The following FAM124A variants were observed in gnomAD, a reference collection of about 807,000 sequenced individuals.
FAM124A encodes the protein family with sequence similarity 124 member A, also known as protein FAM124A.
FAM124A carries 23 observed loss-of-function variants against 24.5 expected under a neutral mutation model. The ratio of observed to expected loss-of-function variants is 0.94; its 90% CI spans 0.68 to 1.33. The LOEUF is 1.33. FAM124A is among the 40% of genes most tolerant of loss of function. FAM124A has a pLI of 0.00. For missense variants in FAM124A, 623 were observed against 722.8 expected (o/e 0.86, Z 1.58); for synonymous variants, 287 against 314.7 (o/e 0.91, Z 0.93).
intron 3 of FAM124A, among the ~76,000 whole-genome samples, chr13:51,268,646 C>T (rs1219690389): frequency 1.3e-5 from 2 of 152,210 alleles, no homozygotes; most frequent in African/African-American, 2.4e-5. Flanking sequence ...CACAAGAGGA[C>T]ACCACGTTGT....
chr13:51,261,268 G>A (rs540459815), intron 3 of FAM124A, among the ~76,000 whole-genome samples: 4 of 152,300 alleles, frequency 2.6e-5, no homozygotes, highest in South Asian at 2.1e-4. Flanking sequence ...TATGGGGCAC[G>A]GGGCTAGTGC....
intron 3 of FAM124A, among the ~76,000 whole-genome samples, chr13:51,257,988 A>C (rs1954692634): frequency 6.6e-6 from 1 of 152,222 alleles, no homozygotes; most frequent in East Asian, 1.9e-4. Flanking sequence ...TCCAAAATCA[A>C]GGCATCAGCA....
Position 51,280,520 on chromosome 13 carries a change from C to T in FAM124A, c.905C>T (p.Ser302Phe). 6.2e-7 allele frequency: 1 copy of T among 1,614,044 alleles called. No individual in the cohort carries two copies. ...VHHASEKKRH[S>F]TPLPSTAVPS... ...CATGCCTCCGAGAAGAAACGTCATT[C>T]CACTCCTTTGCCGAGCACTGCTGTA... The change falls in exon 4 of 4, where the codon TCC (serine) becomes TTC (phenylalanine). Residue 302 changes from serine to phenylalanine, a missense_variant. Physicochemically the swap from Ser to Phe is radical, Grantham distance 155. Coordinates refer to ENST00000322475, the MANE Select transcript of FAM124A (RefSeq NM_001242312.2).
At position 51,251,744 on chromosome 13, in the gene FAM124A, C is replaced by T. The variant is rs1954625078; in HGVS notation, c.377C>T (p.Pro126Leu). The change falls in exon 3 of 4, where the codon CCG (proline) becomes CTG (leucine). Residue 126 changes from proline (P) to leucine (L), a missense_variant. Coordinates refer to ENST00000322475, the MANE Select transcript of FAM124A (RefSeq NM_001242312.2). This position sits in a 1 kb window ranked among gnomAD's most constrained non-coding sequence, Gnocchi z 5.3. ...CAGCTGCACCGCACACTGCAGCAGC[C>T]GCCCTGGCGCCACCACCACACCGAG... ...ILQLHRTLQQ[P>L]PWRHHHTEQV... The T allele has an allele frequency of 2.5e-6, 4 of 1,584,048 alleles. No individual in the cohort carries two copies. Among genetic ancestry groups the T allele is most frequent in the South Asian group, 2.3e-5 (2 of 87,732 alleles).
chr13:51,227,109 G>A (rs773708415), intron 1 of FAM124A: 2 of 152,156 alleles, frequency 1.3e-5, no homozygotes, highest in Non-Finnish European at 2.9e-5. Flanking sequence ...TAAAAATGGT[G>A]AACTCAAGAC....
intron 2 of FAM124A, among the ~76,000 whole-genome samples, chr13:51,238,117 C>T (rs1027830163): frequency 6.6e-6 from 1 of 152,232 alleles, no homozygotes; most frequent in African/African-American, 2.4e-5. Flanking sequence ...GGCTCAGCCA[C>T]AGCCTCAGAG....
chr13:51,246,153 G>A (rs1241140396), intron 2 of FAM124A, among the ~76,000 whole-genome samples: 1 of 152,124 alleles, frequency 6.6e-6, no homozygotes, highest in African/African-American at 2.4e-5. Context: ...CCAGCCTTGG[G>A]GCAGTCTGTG....
Position 51,246,623 on chromosome 13 carries a change from G to A in FAM124A, c.101-4845G>A, listed in dbSNP as rs140876618. Among the ~76,000 whole-genome samples the A allele has an allele frequency of 1.4e-3, 208 of 152,166 alleles. 1 individual carries two copies. Among genetic ancestry groups the A allele is most frequent in the African/African-American group, 4.7e-3 (194 of 41,530 alleles). ...AGGGGGCTCTGGGGGTCGGGTCTTC[G>A]TCATCCTGGCTCGCCTGCTCTTGGC... is the stretch of plus-strand genomic sequence containing the variant. On this transcript the variant is annotated intron_variant, in intron 2 of 3. Coordinates refer to ENST00000322475, the MANE Select transcript of FAM124A (RefSeq NM_001242312.2).
chr13:51,242,382 A>G (rs1954506760), intron 2 of FAM124A, among the ~76,000 whole-genome samples: 1 of 152,210 alleles, frequency 6.6e-6, no homozygotes, highest in African/African-American at 2.4e-5. Context: ...ATCATTAAGC[A>G]TGGTACATTG....
intron 2 of FAM124A, among the ~76,000 whole-genome samples, chr13:51,234,247 T>C (rs571302919): frequency 6.6e-6 from 1 of 152,316 alleles, no homozygotes; most frequent in Non-Finnish European, 1.5e-5. Context: ...GCAGAAATGC[T>C]TCCTTGGGGT....
intron 2 of FAM124A, among the ~76,000 whole-genome samples, chr13:51,250,775 C>T (rs976788567): frequency 2.6e-5 from 4 of 152,224 alleles, no homozygotes; most frequent in African/African-American, 9.6e-5. Flanking sequence ...GGTCATCCTT[C>T]CCTGTGTCTC....
chr13:51,222,453 C>A lies in FAM124A; in HGVS notation c.-49C>A, dbSNP rs1380172346. 1 of 1,192,282 alleles carries A rather than the reference C, an allele frequency of 8.4e-7. No individual in the cohort carries two copies. The highest frequency in any genetic ancestry group is 1.6e-5 in the African/African-American group (1 of 62,652). 73.9% of individuals were successfully genotyped at this position (1,192,282 alleles called of 1,614,324 possible). ...ACTGGGCGGCCGGGAGGGAGGGCGC[C>A]CCGGGTCACGACGGCGCCCGCAAGC... On this transcript the variant is annotated 5_prime_UTR_variant, in exon 1 of 4. Transcript: ENST00000322475.
At chr13:51,269,228 T>G (rs1359535716) in intron 3 of FAM124A, among the ~76,000 whole-genome samples, 1 of 152,200 alleles carries the variant, frequency 6.6e-6, no homozygotes, top group Non-Finnish European at 1.5e-5. Flanking sequence ...TAATGGACAC[T>G]TAATCCCAGA....
At chr13:51,234,852 C>T (rs963234558) in intron 2 of FAM124A, among the ~76,000 whole-genome samples, 1 of 152,174 alleles carries the variant, frequency 6.6e-6, no homozygotes, top group Non-Finnish European at 1.5e-5. Flanking sequence ...GCCTATAGGT[C>T]GGTCACAGTA....
At chr13:51,226,140 G>A (rs1009478039) in intron 1 of FAM124A, among the ~76,000 whole-genome samples, 9 of 150,348 alleles carry the variant, frequency 6.0e-5, no homozygotes, top group Admixed American at 1.3e-4. Context: ...TTACAGGCCC[G>A]CACCACCGAC....
chr13:51,235,452 C>T (rs1366071263), intron 2 of FAM124A, among the ~76,000 whole-genome samples: 1 of 152,104 alleles, frequency 6.6e-6, no homozygotes, highest in Non-Finnish European at 1.5e-5. Flanking sequence ...TGAATATTTC[C>T]ATTCAAATTA....
intron 2 of FAM124A, among the ~76,000 whole-genome samples, chr13:51,241,167 A>G (rs1345877237): frequency 6.6e-6 from 1 of 152,230 alleles, no homozygotes. Flanking sequence ...CAGAAATTCA[A>G]TTACTAAGTT....
chr13:51,258,674 G>T lies in FAM124A; in HGVS notation c.834+6473G>T, dbSNP rs1393848077. Among the ~76,000 whole-genome samples, 1 of 152,204 alleles carries T rather than the reference G, an allele frequency of 6.6e-6. No individual in the cohort carries two copies. The highest frequency in any genetic ancestry group is 1.5e-5 in the Non-Finnish European group (1 of 68,042). ...AACTCTTGTACTCACCTGTTGAGTG[G>T]CTAGGGGCATGTTCCACTGCGTTGG... is the stretch of plus-strand genomic sequence containing the variant. On this transcript the variant is annotated intron_variant, in intron 3 of 3. Transcript: ENST00000322475. This position sits in a 1 kb window ranked among gnomAD's most constrained non-coding sequence, Gnocchi z 4.2.
rs1652022902 is a variant in FAM124A at position 51,256,491 on chromosome 13, C to A, written c.834+4290C>A. 2.0e-5 allele frequency among the ~76,000 whole-genome samples: 3 copies of A among 152,174 alleles called. No individual in the cohort carries two copies. The South Asian group carries it at 6.2e-4, about 32-fold the overall frequency. Reference sequence around the variant, plus strand: ...AGGCAGAGAGGCCTGGGACTGTTACCACCAGAGAACTTTTCAGATCTCATC... The same window carrying A: ...AGGCAGAGAGGCCTGGGACTGTTACAACCAGAGAACTTTTCAGATCTCATC... On this transcript the variant is annotated intron_variant, in intron 3 of 3. Coordinates refer to ENST00000322475, the MANE Select transcript of FAM124A (RefSeq NM_001242312.2).
Sources: allele counts gnomAD v4.1 joint callset (sites outside exome capture counted in the v4.1 genomes callset), GRCh38; gene constraint gnomAD v4.1.1; non-coding constraint Gnocchi (gnomAD v3.1); transcripts MANE v1.5; gene names NCBI Gene and HGNC (gene_info 2026-07-23, HGNC 2026-07-21).